The following RBFOX1 variants were observed in gnomAD, a reference collection of about 807,000 sequenced individuals.
The protein encoded by RBFOX1 is RNA binding fox-1 homolog 1, also known as RNA binding protein fox-1 homolog 1.
RBFOX1 carries 8 observed loss-of-function variants against 57.7 expected under a neutral mutation model. The ratio of observed to expected loss-of-function variants is 0.14; its 90% CI spans 0.08 to 0.25. The LOEUF (loss-of-function observed/expected upper bound fraction) is 0.25. Among genes scored for constraint, RBFOX1 ranks in the 10% least tolerant of loss-of-function variants. The pLI is 1.00. For synonymous variants in RBFOX1, 326 were observed against 222.4 expected (o/e 1.47, Z -4.15); for missense variants, 611 against 548.5 (o/e 1.11, Z -1.14).
chr16:5,995,653 C>G (rs1028655684), intron 4 of RBFOX1, among the ~76,000 whole-genome samples: 5 of 152,062 alleles, frequency 3.3e-5, no homozygotes, highest in Admixed American at 2.6e-4. Flanking sequence ...ACAAGTCAAC[C>G]CTTTGCTTCA....
intron 3 of RBFOX1, chr16:6,873,825 C>A (rs565656435): frequency 6.6e-6 from 1 of 152,166 alleles, no homozygotes; most frequent in South Asian, 2.1e-4. Flanking sequence ...ATAAGGAAAC[C>A]GAGACTTTGA....
intron 2 of RBFOX1, among the ~76,000 whole-genome samples, chr16:5,501,688 A>G (rs1333761037): frequency 2.0e-5 from 3 of 152,146 alleles, no homozygotes; most frequent in East Asian, 1.9e-4. Context: ...GTGTGTGGGT[A>G]GTACCCAGTG....
At chr16:7,352,106 A>C (rs1252907141) in intron 4 of RBFOX1, among the ~76,000 whole-genome samples, 1 of 152,018 alleles carries the variant, frequency 6.6e-6, no homozygotes, top group Non-Finnish European at 1.5e-5. Flanking sequence ...TATCATTTCC[A>C]CTTGATTGTC....
intron 2 of RBFOX1, among the ~76,000 whole-genome samples, chr16:6,642,788 CAG>C (rs1278165857): frequency 6.6e-6 from 1 of 152,080 alleles, no homozygotes; most frequent in Non-Finnish European, 1.5e-5. Context: ...TATTTACTGT[CAG>C]AGAAAATATC....
chr16:7,370,622 C>T (rs1480903622), intron 4 of RBFOX1, among the ~76,000 whole-genome samples: 3 of 152,202 alleles, frequency 2.0e-5, no homozygotes, highest in Non-Finnish European at 4.4e-5. Flanking sequence ...GGATACCATT[C>T]TCTCATTAGC....
chr16:6,898,967 G>T (rs1012928852), intron 3 of RBFOX1, among the ~76,000 whole-genome samples: 4 of 151,468 alleles, frequency 2.6e-5, no homozygotes, highest in African/African-American at 9.7e-5. Flanking sequence ...TTGTGTATGT[G>T]TATGATGTGT....
rs75441048 is a variant in RBFOX1 at position 5,502,692 on chromosome 16, A to G, written c.258+35438A>G. 4.5e-3 allele frequency among the ~76,000 whole-genome samples: 680 copies of G among 152,264 alleles called. 9 individuals are homozygous for G. Among genetic ancestry groups the G allele is most frequent in the African/African-American group, 0.015 (617 of 41,570 alleles). ...AGGGGTTAGAACAGGCAGCAACCATATTAACAGAATCCTCTATTGAGTTAT... is the reference window on the plus strand; with the variant it reads ...AGGGGTTAGAACAGGCAGCAACCATGTTAACAGAATCCTCTATTGAGTTAT... On this transcript the variant is annotated intron_variant, in intron 2 of 2. Coordinates refer to the RBFOX1 transcript ENST00000585867.
intron 1 of RBFOX1, among the ~76,000 whole-genome samples, chr16:6,279,947 C>A (rs918207062): frequency 6.6e-6 from 1 of 151,286 alleles, no homozygotes; most frequent in East Asian, 1.9e-4. Context: ...ATGAAATTTG[C>A]AGACGATATT....
chr16:5,917,216 C>T (rs1339099337), intron 4 of RBFOX1, among the ~76,000 whole-genome samples: 2 of 152,118 alleles, frequency 1.3e-5, no homozygotes. Context: ...GAATCCACAC[C>T]CCAGAGGAGA....
intron 1 of RBFOX1, among the ~76,000 whole-genome samples, chr16:6,071,694 A>T (rs1359643901): frequency 1.3e-5 from 2 of 152,178 alleles, no homozygotes; most frequent in Non-Finnish European, 2.9e-5. Flanking sequence ...TCTAGAACTA[A>T]TTCATTTCAC....
chr16:7,553,196 G>C (rs140486684), intron 5 of RBFOX1, among the ~76,000 whole-genome samples: 13 of 152,140 alleles, frequency 8.5e-5, no homozygotes, highest in African/African-American at 2.9e-4. Flanking sequence ...CCAGACTGGA[G>C]TGCAGTGGTG....
At chr16:7,590,032 G>A (rs1178270518) in intron 7 of RBFOX1, among the ~76,000 whole-genome samples, 1 of 151,852 alleles carries the variant, frequency 6.6e-6, no homozygotes, top group African/African-American at 2.4e-5. Flanking sequence ...TTAGGAAGCT[G>A]AGGTGGGAGT....
chr16:7,016,742 C>T (rs2093934944), intron 3 of RBFOX1, among the ~76,000 whole-genome samples: 1 of 152,182 alleles, frequency 6.6e-6, no homozygotes, highest in East Asian at 1.9e-4. Flanking sequence ...GTTGATTAAA[C>T]TGTCTACTTC....
intron 1 of RBFOX1, among the ~76,000 whole-genome samples, chr16:6,168,229 A>G (rs542979315): frequency 3.6e-4 from 55 of 152,350 alleles, no homozygotes; most frequent in Middle Eastern, 3.4e-3. Context: ...TATTAGTTTA[A>G]TCTGTTCACA....
chr16:5,856,187 C>CTATATATATATATA (rs1200113050), intron 3 of RBFOX1, among the ~76,000 whole-genome samples: 1 of 31,066 alleles, frequency 3.2e-5, no homozygotes, highest in Non-Finnish European at 5.6e-5. Context: ...CTCTCTCTCT[C>CTATATATATATATA]TATATATATA....
At chr16:7,635,773 T>A (rs1347229005) in intron 11 of RBFOX1, among the ~76,000 whole-genome samples, 1 of 152,176 alleles carries the variant, frequency 6.6e-6, no homozygotes, top group East Asian at 1.9e-4. Context: ...CTATCCATAG[T>A]CATTCAAGCC....
chr16:5,835,022 T>C (rs376516543), intron 3 of RBFOX1, among the ~76,000 whole-genome samples: 1 of 152,208 alleles, frequency 6.6e-6, no homozygotes, highest in East Asian at 1.9e-4. Context: ...ATGGCCGTTT[T>C]TTAAGTCAGT....
intron 2 of RBFOX1, among the ~76,000 whole-genome samples, chr16:6,558,850 A>T (rs772376275): frequency 4.7e-5 from 7 of 149,270 alleles, no homozygotes; most frequent in Non-Finnish European, 1.0e-4. Flanking sequence ...TTCCCCAAAC[A>T]TACCCAGCTC....
chr16:5,864,491 A>G (rs2057299128), intron 3 of RBFOX1, among the ~76,000 whole-genome samples: 1 of 149,814 alleles, frequency 6.7e-6, no homozygotes, highest in African/African-American at 2.5e-5. Context: ...CATTTTTCAC[A>G]TATGCATCTA....
Sources: gnomAD v4.1 joint callset for allele counts (sites outside exome capture counted in the v4.1 genomes callset) on GRCh38, gnomAD v4.1.1 for gene constraint, MANE v1.5 for transcripts, NCBI Gene and HGNC (gene_info 2026-07-23, HGNC 2026-07-21) for gene names.